The following HCRTR1 variants were observed in gnomAD, a reference collection of about 807,000 sequenced individuals.
HCRTR1 encodes orexin/Hypocretin receptor type 1.
In HCRTR1, 28 loss-of-function variants were observed where a neutral mutation model predicts 40.6. The observed-to-expected ratio is 0.69, with a 90% confidence interval of 0.51 to 0.95. The LOEUF is 0.95. HCRTR1 is among the 40% of genes least tolerant of loss of function. The pLI is 0.00. For synonymous variants in HCRTR1, 209 were observed against 230.0 expected (o/e 0.91, Z 0.83); for missense variants, 482 against 564.7 (o/e 0.85, Z 1.48).
At chr1:31,621,735 C>G (rs1384252655) in intron 6 of HCRTR1, 143 bp downstream of exon 6, 1 of 653,064 alleles carries the variant, frequency 1.5e-6, no homozygotes, top group East Asian at 2.7e-5. Flanking sequence ...AGCCCAGAGA[C>G]ACGTCAAACT....
chr1:31,624,875 C>A, intron 7 of HCRTR1, 122 bp from the exon 8 acceptor site: 1 of 1,086,428 alleles, frequency 9.2e-7, no homozygotes, highest in South Asian at 2.1e-5. Flanking sequence ...GGCCAGGAAA[C>A]GTGGACAGAA....
intron 6 of HCRTR1, 141 bp from the exon 7 acceptor site, chr1:31,623,382 G>A: frequency 1.6e-6 from 1 of 614,084 alleles, no homozygotes; most frequent in Non-Finnish European, 2.9e-6. Context: ...ATAAACATTA[G>A]ATTCCTTCCT....
chr1:31,627,694 A>G, downstream of HCRTR1: 1 of 282,056 alleles, frequency 3.5e-6, no homozygotes, highest in South Asian at 3.3e-5. Context: ...GGGGGGAGGG[A>G]AGACAAGAAG....
chr1:31,633,038 C>G (rs1640156146), downstream of HCRTR1: 1 of 1,229,762 alleles, frequency 8.1e-7, no homozygotes, highest in Admixed American at 2.7e-5. Flanking sequence ...GCTTCCTCCC[C>G]ACAGTCCTCC....
chr1:31,629,904 C>T (rs932751218), downstream of HCRTR1: 9 of 152,360 alleles, frequency 5.9e-5, no homozygotes, highest in African/African-American at 1.9e-4. Flanking sequence ...TACAATTTCA[C>T]TGGACTTTTG....
At position 31,626,924 on chromosome 1, in the gene HCRTR1, A is replaced by ATGCTCCG; in HGVS notation, c.1223_1224insGCTCCGT (p.Ile408MetfsTer8). 1 of 1,613,468 alleles carries ATGCTCCG rather than the reference A, an allele frequency of 6.2e-7. No homozygotes were observed. Among genetic ancestry groups the ATGCTCCG allele is most frequent in the Non-Finnish European group, 8.5e-7 (1 of 1,179,982 alleles). On this transcript the variant is annotated frameshift_variant, in exon 9 of 9. Transcript: ENST00000403528. LOFTEE classifies it high-confidence loss of function. This position sits in a 1 kb window ranked among gnomAD's most constrained non-coding sequence, Gnocchi z 4.6. ...CTTGTCCTTGCAGAGCCGATGCTCC[A>ATGCTCCG]TCTCCAAAATCTCTGAGCATGTGGT...
chr1:31,621,317 G>T (rs1367047402), intron 5 of HCRTR1, among the ~76,000 whole-genome samples, 160 bp from the exon 6 acceptor site: 2 of 151,408 alleles, frequency 1.3e-5, no homozygotes, highest in Non-Finnish European at 3.0e-5. Context: ...GACAACCCAA[G>T]TTGGACAACT....
chr1:31,620,859 T>C lies in HCRTR1; in HGVS notation c.395T>C (p.Val132Ala). Residue 132 changes from valine (V) to alanine (A), a missense_variant, in exon 5 of 9, where the codon GTG (valine) becomes GCG (alanine). Val to Ala is a moderately conservative substitution (Grantham distance 64). Transcript: ENST00000403528. Reference sequence around the variant, plus strand: ...GTGGGGCAGGCTGTGTCCGTGTCAGTGGCAGTGCTAACTCTCAGCTTCATC... The same window carrying C: ...GTGGGGCAGGCTGTGTCCGTGTCAGCGGCAGTGCTAACTCTCAGCTTCATC... ...IPYLQAVSVS[V>A]AVLTLSFIAL... The C allele has an allele frequency of 6.2e-7, 1 of 1,613,936 alleles. No homozygotes were observed. The highest frequency in any genetic ancestry group is 8.5e-7 in the Non-Finnish European group (1 of 1,179,920).
At position 31,627,482 on chromosome 1, in the gene HCRTR1, T is replaced by A; in HGVS notation, c.*502T>A. 1.5e-6 allele frequency: 1 copy of A among 675,522 alleles called. No homozygotes were observed. The highest frequency in any genetic ancestry group is 2.3e-6 in the Non-Finnish European group (1 of 436,284). 41.8% of individuals were successfully genotyped at this position (675,522 alleles called of 1,614,324 possible). A position where few individuals can be genotyped will look rare whatever the true frequency, so the allele number is the denominator to read the frequency against. Reference sequence around the variant, plus strand: ...GCGGGCCACGAGCACAGCCCCACCCTAACCAGGTGCCAAGGGCACACACCA... The same window carrying A: ...GCGGGCCACGAGCACAGCCCCACCCAAACCAGGTGCCAAGGGCACACACCA... On this transcript the variant is annotated 3_prime_UTR_variant, in exon 9 of 9. Coordinates refer to ENST00000403528, the MANE Select transcript of HCRTR1 (RefSeq NM_001525.3).
chr1:31,632,783 C>T (rs991145402), downstream of HCRTR1: 16 of 935,038 alleles, frequency 1.7e-5, no homozygotes, highest in South Asian at 1.7e-5. Context: ...GATGCCTGCA[C>T]CTGAGACACC....
downstream of HCRTR1, among the ~76,000 whole-genome samples, chr1:31,628,870 A>G (rs1640028027): frequency 6.6e-6 from 1 of 152,154 alleles, no homozygotes; most frequent in Non-Finnish European, 1.5e-5. Context: ...AATGTGGTAT[A>G]TAGGGTAGGC....
intron 6 of HCRTR1, among the ~76,000 whole-genome samples, chr1:31,621,954 A>G (rs1639866251): frequency 6.6e-6 from 1 of 152,208 alleles, no homozygotes; most frequent in African/African-American, 2.4e-5. Flanking sequence ...TAGATCAGGA[A>G]CTAAAGCCCA....
At chr1:31,629,451 C>A (rs1284144573), downstream of HCRTR1, among the ~76,000 whole-genome samples, 1 of 152,102 alleles carries the variant, frequency 6.6e-6, no homozygotes, top group Non-Finnish European at 1.5e-5. Flanking sequence ...TTATGCTGAT[C>A]TAAAGATCTG....
chr1:31,620,152 G>A (rs939477366), intron 4 of HCRTR1, among the ~76,000 whole-genome samples: 2 of 152,224 alleles, frequency 1.3e-5, no homozygotes, highest in African/African-American at 2.4e-5. Flanking sequence ...GTGGAAACCA[G>A]GATGTCCGGA....
Position 31,627,366 on chromosome 1 carries a change from A to G in HCRTR1, c.*386A>G. 7.7e-7 allele frequency: 1 copy of G among 1,297,130 alleles called. No homozygotes were observed. Among genetic ancestry groups the G allele is most frequent in the Non-Finnish European group, 1.0e-6 (1 of 993,574 alleles). The allele number at this position is 1,297,130 out of a possible 1,614,324, so 80.4% of individuals were successfully genotyped here. A position where few individuals can be genotyped will look rare whatever the true frequency, so the allele number is the denominator to read the frequency against. On this transcript the variant is annotated 3_prime_UTR_variant, in exon 9 of 9. Coordinates refer to ENST00000403528, the MANE Select transcript of HCRTR1 (RefSeq NM_001525.3). ...TCTAAAGGTCCCAACAGGCATTTCC[A>G]TCTTGTTCCATGGCTCCCTGAAGCC... is the stretch of plus-strand genomic sequence containing the variant.
In HCRTR1 at chr1:31,619,086, C is replaced by T; in HGVS notation, c.-107C>T. 1 of 892,046 alleles carries T rather than the reference C, an allele frequency of 1.1e-6. No homozygotes were observed. The highest frequency in any genetic ancestry group is 1.7e-6 in the Non-Finnish European group (1 of 594,380). The allele number at this position is 892,046 out of a possible 1,614,324, so 55.3% of individuals were successfully genotyped here. A position where few individuals can be genotyped will look rare whatever the true frequency, so the allele number is the denominator to read the frequency against. On this transcript the variant is annotated 5_prime_UTR_variant, in exon 3 of 9. Transcript: ENST00000403528. ...GCTGAGACCCGAAAAGACCTGGGTGCAAGCCTCCAGGCACCCTGAAGGGAG... is the reference window on the plus strand; with the variant it reads ...GCTGAGACCCGAAAAGACCTGGGTGTAAGCCTCCAGGCACCCTGAAGGGAG...
rs376159881 is a variant in HCRTR1 at position 31,619,231 on chromosome 1, C to T, written c.39C>T (p.Val13=). The T allele has an allele frequency of 1.2e-6, 2 of 1,612,912 alleles. No homozygotes were observed. The highest frequency in any genetic ancestry group is 2.7e-5 in the African/African-American group (2 of 74,948). ...PSATPGAQMG[V]PPGSREPSPV... ...CCACCCCAGGGGCCCAGATGGGGGT[C>T]CCCCCTGGCAGCAGAGAGCCGTCCC... The change falls in exon 3 of 9, where the codon GTC becomes GTT. Residue 13 remains valine (V), a synonymous_variant. Coordinates refer to ENST00000403528, the MANE Select transcript of HCRTR1 (RefSeq NM_001525.3).
In HCRTR1 at chr1:31,627,126, G is replaced by A. The variant is rs199731950; in HGVS notation, c.*146G>A. On this transcript the variant is annotated 3_prime_UTR_variant, in exon 9 of 9. Transcript: ENST00000403528. ...TAAGTCACTTCCTCTGTCTGAGCTT[G>A]TGTCCCCTAAGCAGGGTTGATGTGA... 41 of 1,429,722 alleles carry A rather than the reference G, an allele frequency of 2.9e-5. No homozygotes were observed. In the African/African-American group the frequency reaches 5.4e-4, roughly 19 times the overall value. 88.6% of individuals were successfully genotyped at this position (1,429,722 alleles called of 1,614,324 possible). A position where few individuals can be genotyped will look rare whatever the true frequency, so the allele number is the denominator to read the frequency against.
chr1:31,628,553 A>G (rs1640022753), downstream of HCRTR1, among the ~76,000 whole-genome samples: 1 of 152,252 alleles, frequency 6.6e-6, no homozygotes, highest in African/African-American at 2.4e-5. Context: ...TACAAGATCA[A>G]TCCAGGTCTT....
Sources: gnomAD v4.1 joint callset for allele counts (sites outside exome capture counted in the v4.1 genomes callset) on GRCh38, gnomAD v4.1.1 for gene constraint, Gnocchi (gnomAD v3.1) non-coding constraint, MANE v1.5 for transcripts, NCBI Gene and HGNC (gene_info 2026-07-23, HGNC 2026-07-21) for gene names.